CSGALNACT1: variants seen among roughly 807,000 people sequenced by gnomAD.
CSGALNACT1 encodes the protein beta4GalNAcT-1.
A neutral mutation model predicts 51.0 loss-of-function variants in CSGALNACT1; 52 were observed. The ratio of observed to expected loss-of-function variants is 1.02; its 90% confidence interval spans 0.82 to 1.29. The LOEUF (loss-of-function observed/expected upper bound fraction) is 1.29. CSGALNACT1 is among the 50% of genes most tolerant of loss of function. The pLI is 0.00. For missense variants in CSGALNACT1, 935 were observed against 679.2 expected (o/e 1.38, Z -4.19); for synonymous variants, 341 against 254.4 (o/e 1.34, Z -3.24).
At chr8:19,733,097 G>A (rs921333425) in intron 1 of CSGALNACT1, among the ~76,000 whole-genome samples, 2 of 152,174 alleles carry the variant, frequency 1.3e-5, no homozygotes, top group Admixed American at 1.3e-4. Context: ...TAAATAATTT[G>A]ATAAAGAGTA....
At chr8:19,715,526 CT>C (rs2062755698) in intron 1 of CSGALNACT1, among the ~76,000 whole-genome samples, 1 of 152,158 alleles carries the variant, frequency 6.6e-6, no homozygotes. Context: ...ATCCAGTCTA[CT>C]GTTGATGGTC....
chr8:19,618,520 A>G (rs997944551), intron 1 of CSGALNACT1, among the ~76,000 whole-genome samples: 2 of 151,184 alleles, frequency 1.3e-5, no homozygotes, highest in Non-Finnish European at 2.9e-5. Flanking sequence ...GCCACCTATA[A>G]TCCCAGCTAC....
rs111328191 is a variant in CSGALNACT1, at chr8:19,651,442, T to C, written c.-544+31031A>G. Among the ~76,000 whole-genome samples, 1,271 of 152,222 alleles carry C rather than the reference T, an allele frequency of 8.3e-3. 11 individuals carry two copies. Among genetic ancestry groups the C allele is most frequent in the African/African-American group, 0.026 (1,083 of 41,526 alleles). Reference sequence around the variant, plus strand: ...TCATCCACCTTCAGTTAGGCCCCAGTGTCTATTGTTTCTATCTTTGTGTTC... The same window carrying C: ...TCATCCACCTTCAGTTAGGCCCCAGCGTCTATTGTTTCTATCTTTGTGTTC... On this transcript the variant is annotated intron_variant, in intron 1 of 9. Coordinates refer to the CSGALNACT1 transcript ENST00000332246.
intron 3 of CSGALNACT1, among the ~76,000 whole-genome samples, chr8:19,508,261 C>A (rs1310396223): frequency 2.0e-5 from 3 of 152,204 alleles, no homozygotes; most frequent in African/African-American, 4.8e-5. Context: ...TGCACTATGT[C>A]TACACAACAG....
chr8:19,466,881 G>A (rs2066810440), intron 4 of CSGALNACT1, among the ~76,000 whole-genome samples: 1 of 152,182 alleles, frequency 6.6e-6, no homozygotes, highest in African/African-American at 2.4e-5. Context: ...TGTTTCAGCT[G>A]CCACTGAAAG....
intron 4 of CSGALNACT1, among the ~76,000 whole-genome samples, chr8:19,471,723 G>A (rs1378995687): frequency 1.3e-5 from 2 of 152,188 alleles, no homozygotes; most frequent in Non-Finnish European, 2.9e-5. Flanking sequence ...GGACAGGAAA[G>A]GGTGAAAGCT....
chr8:19,552,246 G>C (rs2088315782), intron 3 of CSGALNACT1, among the ~76,000 whole-genome samples: 1 of 152,094 alleles, frequency 6.6e-6, no homozygotes, highest in Non-Finnish European at 1.5e-5. Flanking sequence ...TAATTTCTCT[G>C]TTTCCATTTC....
chr8:19,666,971 GAAAGAAAGAAAGAAAGAA>G (rs1564385142), intron 1 of CSGALNACT1, among the ~76,000 whole-genome samples: 18 of 7,668 alleles, frequency 2.3e-3, no homozygotes, highest in African/African-American at 0.015. Flanking sequence ...AAGAAAGAAA[GAAAGAAAGAAAGAAAGAA>G]AGAAAGAAAG....
At chr8:19,404,465 C>A (rs1332676943) in exon 10 of CSGALNACT1, 1 of 453,290 alleles carries the variant, frequency 2.2e-6, no homozygotes, top group East Asian at 7.0e-5. Context: ...TAATAAAATG[C>A]AATTTTCAGA....
At chr8:19,488,230 A>T (rs2073467574) in intron 4 of CSGALNACT1, among the ~76,000 whole-genome samples, 2 of 151,658 alleles carry the variant, frequency 1.3e-5, no homozygotes. Context: ...TGCACCTATA[A>T]TCCCAGTTAC....
chr8:19,657,863 G>A (rs939001899), intron 1 of CSGALNACT1, among the ~76,000 whole-genome samples: 3 of 152,094 alleles, frequency 2.0e-5, no homozygotes, highest in African/African-American at 4.8e-5. Flanking sequence ...GTCCAACAGA[G>A]CACCTTGGGC....
At position 19,470,391 on chromosome 8, in the gene CSGALNACT1, C is replaced by T. The variant is rs550105245; in HGVS notation, c.635-11749G>A. On this transcript the variant is annotated intron_variant, in intron 4 of 9. Coordinates refer to ENST00000454498, the Ensembl canonical transcript of CSGALNACT1. ...AGATGAGTAAGGATGTGGGAAACAACGCAGAGGTGCAGGCAGCGAGGCCAG... is the reference window on the plus strand; with the variant it reads ...AGATGAGTAAGGATGTGGGAAACAATGCAGAGGTGCAGGCAGCGAGGCCAG... Among the ~76,000 whole-genome samples the T allele has an allele frequency of 1.0e-3, 158 of 152,260 alleles. 2 individuals carry two copies. The highest frequency in any genetic ancestry group is 3.5e-3 in the Admixed American group (54 of 15,288).
intron 6 of CSGALNACT1, among the ~76,000 whole-genome samples, chr8:19,424,498 A>G (rs2058471333): frequency 6.6e-6 from 1 of 151,846 alleles, no homozygotes; most frequent in Non-Finnish European, 1.5e-5. Context: ...TGGAAAAACC[A>G]TGAAAAAAAA....
At chr8:19,488,740 A>G (rs1230237922) in intron 4 of CSGALNACT1, among the ~76,000 whole-genome samples, 1 of 152,172 alleles carries the variant, frequency 6.6e-6, no homozygotes, top group Non-Finnish European at 1.5e-5. Flanking sequence ...TATATAGTTT[A>G]TAACAACCCG....
intron 3 of CSGALNACT1, among the ~76,000 whole-genome samples, chr8:19,543,328 T>G (rs769755534): frequency 6.6e-6 from 1 of 152,202 alleles, no homozygotes; most frequent in Non-Finnish European, 1.5e-5. Context: ...AGTGTTAACA[T>G]AGCACGCCTG....
At chr8:19,444,462 C>A (rs942986988) in intron 5 of CSGALNACT1, among the ~76,000 whole-genome samples, 2 of 152,070 alleles carry the variant, frequency 1.3e-5, no homozygotes, top group Admixed American at 6.5e-5. Context: ...GTAATTTTAA[C>A]CTGAGTTTCT....
At chr8:19,707,889 T>C (rs190420270) in intron 1 of CSGALNACT1, among the ~76,000 whole-genome samples, 1 of 152,238 alleles carries the variant, frequency 6.6e-6, no homozygotes, top group Non-Finnish European at 1.5e-5. Flanking sequence ...TAGTCCCAGC[T>C]ACTTGGGAGG....
At chr8:19,753,924 A>C (rs1057119007) in intron 1 of CSGALNACT1, among the ~76,000 whole-genome samples, 1 of 152,238 alleles carries the variant, frequency 6.6e-6, no homozygotes, top group Non-Finnish European at 1.5e-5. Flanking sequence ...CTTCATTCAC[A>C]TTAGAATTTA....
intron 3 of CSGALNACT1, among the ~76,000 whole-genome samples, chr8:19,539,599 C>G (rs1256666069): frequency 6.6e-6 from 1 of 152,206 alleles, no homozygotes; most frequent in Non-Finnish European, 1.5e-5. Context: ...GCAACCAAGA[C>G]TGTCCTGATA....
Sources: gnomAD v4.1 joint callset for allele counts (sites outside exome capture counted in the v4.1 genomes callset) on GRCh38, gnomAD v4.1.1 for gene constraint, MANE v1.5 for transcripts, NCBI Gene and HGNC (gene_info 2026-07-23, HGNC 2026-07-21) for gene names.